PCDH15: variants seen among roughly 807,000 people sequenced by gnomAD.
The protein encoded by PCDH15 is protocadherin related 15.
Under a neutral mutation model 178.5 loss-of-function variants are expected in PCDH15, and 129 were observed. The observed-to-expected ratio is 0.72, with a 90% CI of 0.63 to 0.84. PCDH15 has a LOEUF of 0.84. Among genes scored for constraint, PCDH15 ranks in the 40% least tolerant of loss-of-function variants. PCDH15 has a pLI of 0.00. For synonymous variants in PCDH15, 800 were observed against 732.0 expected (o/e 1.09, Z -1.50); for missense variants, 2,230 against 2,099.9 (o/e 1.06, Z -1.21).
intron 1 of PCDH15, among the ~76,000 whole-genome samples, chr10:55,288,618 A>G (rs1417435887): frequency 6.6e-6 from 1 of 152,044 alleles, no homozygotes. Context: ...ACATAAGTGG[A>G]ACCATGTAGT....
chr10:55,578,456 C>A (rs915219168), intron 2 of PCDH15, among the ~76,000 whole-genome samples: 1 of 151,968 alleles, frequency 6.6e-6, no homozygotes, highest in Non-Finnish European at 1.5e-5. Context: ...GCTGACCTCA[C>A]GATGCGCCCG....
intron 2 of PCDH15, among the ~76,000 whole-genome samples, chr10:55,359,962 G>C (rs1213666690): frequency 2.6e-5 from 4 of 151,736 alleles, no homozygotes; most frequent in African/African-American, 9.7e-5. Context: ...GCAGAGAGTA[G>C]AAAGGTGATT....
chr10:54,957,500 C>A (rs1206819591), intron 2 of PCDH15, among the ~76,000 whole-genome samples: 1 of 151,404 alleles, frequency 6.6e-6, no homozygotes, highest in African/African-American at 2.4e-5. Context: ...GAATACATGG[C>A]TGAGTAGCAT....
At position 54,828,481 on chromosome 10, in the gene PCDH15, A is replaced by ATGTATG. The variant is rs59772797; in HGVS notation, c.-29+68963_-29+68968dup. ...TGCTCATTGATGTTGTACAAGATATATGTATGTGTATGTGTATGTGTATGT... is the reference window on the plus strand; with the variant it reads ...TGCTCATTGATGTTGTACAAGATATATGTATGTGTATGTGTATGTGTATGTGTATGT... On this transcript the variant is annotated intron_variant, in intron 3 of 5. Coordinates refer to the PCDH15 transcript ENST00000458638. 1.5e-3 allele frequency among the ~76,000 whole-genome samples: 227 copies of ATGTATG among 150,846 alleles called. 1 individual carries two copies. The highest frequency in any genetic ancestry group is 5.0e-3 in the African/African-American group (207 of 41,184).
intron 2 of PCDH15, among the ~76,000 whole-genome samples, chr10:55,438,619 A>C (rs1440466552): frequency 6.6e-6 from 1 of 152,120 alleles, no homozygotes; most frequent in Non-Finnish European, 1.5e-5. Context: ...AAAATGTAGA[A>C]GAGATGCCTG....
chr10:54,204,128 C>T (rs2050531381), intron 10 of PCDH15, among the ~76,000 whole-genome samples: 1 of 152,058 alleles, frequency 6.6e-6, no homozygotes, highest in Non-Finnish European at 1.5e-5. Flanking sequence ...GGGATTCAAA[C>T]GTGAATTACT....
At chr10:54,084,456 G>A (rs927995295) in intron 16 of PCDH15, among the ~76,000 whole-genome samples, 7 of 151,408 alleles carry the variant, frequency 4.6e-5, no homozygotes, top group African/African-American at 1.7e-4. Flanking sequence ...CTGGGAGACA[G>A]AACAAGACTC....
chr10:53,866,745 T>C lies in PCDH15; in HGVS notation c.3614A>G (p.Lys1205Arg). ...CATATTATGGAAGAGCATAGCAGTT[T>C]TGATAAGCCCTGTATATGTTTCCAC... ...FVVETYTGLI[K>R]TAMLFHNMRR... Residue 1205 changes from lysine (K) to arginine (R), a missense_variant, in exon 27 of 38, where the codon AAA (lysine) becomes AGA (arginine). Coordinates refer to ENST00000644397, the MANE Select transcript of PCDH15 (RefSeq NM_001384140.1). 6.2e-7 allele frequency: 1 copy of C among 1,613,534 alleles called. No homozygotes were observed. Among genetic ancestry groups the C allele is most frequent in the East Asian group, 2.2e-5 (1 of 44,834 alleles).
chr10:54,141,225 C>G (rs1423339275), intron 14 of PCDH15, among the ~76,000 whole-genome samples: 2 of 151,950 alleles, frequency 1.3e-5, no homozygotes, highest in African/African-American at 4.8e-5. Flanking sequence ...ACCATTTGTT[C>G]TGTTTATTGA....
intron 2 of PCDH15, among the ~76,000 whole-genome samples, chr10:55,558,841 C>G (rs369565013): frequency 1.6e-4 from 24 of 151,806 alleles, no homozygotes; most frequent in African/African-American, 5.1e-4. Flanking sequence ...TTAGTATTGC[C>G]TATAATGTAT....
intron 2 of PCDH15, among the ~76,000 whole-genome samples, chr10:55,088,115 CTT>C (rs1396480519): frequency 6.6e-6 from 1 of 152,004 alleles, no homozygotes; most frequent in Admixed American, 6.6e-5. Context: ...ATAAACTACT[CTT>C]GTGTTATCTT....
intron 2 of PCDH15, among the ~76,000 whole-genome samples, chr10:55,480,356 T>C (rs532532504): frequency 2.6e-5 from 4 of 151,684 alleles, no homozygotes; most frequent in Non-Finnish European, 5.9e-5. Context: ...GCCAGAACTT[T>C]CAACACTTTG....
intron 17 of PCDH15, among the ~76,000 whole-genome samples, chr10:54,072,775 G>A (rs1469221120): frequency 1.3e-5 from 2 of 152,108 alleles, no homozygotes; most frequent in Non-Finnish European, 2.9e-5. Flanking sequence ...ATAGGTTATG[G>A]CACTGAATAT....
At chr10:54,564,925 C>A (rs2088788910) in intron 2 of PCDH15, among the ~76,000 whole-genome samples, 1 of 152,018 alleles carries the variant, frequency 6.6e-6, no homozygotes, top group Non-Finnish European at 1.5e-5. Flanking sequence ...ATACCTCATT[C>A]TTGGAAAAAA....
chr10:54,533,538 A>G (rs1465412243), intron 2 of PCDH15, among the ~76,000 whole-genome samples: 1 of 152,242 alleles, frequency 6.6e-6, no homozygotes, highest in African/African-American at 2.4e-5. Flanking sequence ...AATTTCTATT[A>G]GAATTCCAAG....
chr10:54,956,693 T>C (rs1232596678), intron 2 of PCDH15, among the ~76,000 whole-genome samples: 2 of 151,608 alleles, frequency 1.3e-5, no homozygotes, highest in Non-Finnish European at 3.0e-5. Flanking sequence ...ATTCAGCAGT[T>C]ATCCAGGACT....
At chr10:54,295,481 C>A (rs116707292) in intron 8 of PCDH15, among the ~76,000 whole-genome samples, 1,542 of 152,280 alleles carry the variant, frequency 0.01, 31 homozygotes, top group African/African-American at 0.035. Context: ...CTGGTGCTCA[C>A]TCTTAGGGTC....
intron 2 of PCDH15, among the ~76,000 whole-genome samples, chr10:54,958,271 A>G (rs1838545056): frequency 1.3e-5 from 2 of 151,738 alleles, no homozygotes; most frequent in African/African-American, 4.8e-5. Flanking sequence ...CTTTTGTTAC[A>G]AGGGTTCATC....
intron 21 of PCDH15, among the ~76,000 whole-genome samples, chr10:53,992,639 C>G (rs1227771011): frequency 1.3e-5 from 2 of 152,106 alleles, no homozygotes; most frequent in East Asian, 3.9e-4. Context: ...CAAAACTATG[C>G]AAATAAACAT....
Sources: gnomAD v4.1 joint callset for allele counts (sites outside exome capture counted in the v4.1 genomes callset) on GRCh38, gnomAD v4.1.1 for gene constraint, MANE v1.5 for transcripts, NCBI Gene and HGNC (gene_info 2026-07-23, HGNC 2026-07-21) for gene names.